Variants in THADA observed in about 807,000 individuals in gnomAD.
THADA encodes the protein tRNA (32-2'-O)-methyltransferase regulator THADA.
A neutral mutation model predicts 219.8 loss-of-function variants in THADA; 213 were observed. The ratio of observed to expected loss-of-function variants is 0.97; its 90% CI spans 0.87 to 1.09. The LOEUF (loss-of-function observed/expected upper bound fraction) is 1.09. Ranked by LOEUF, THADA falls within the 50% of genes least tolerant of loss-of-function variation. The pLI, the probability that THADA is intolerant of heterozygous loss-of-function variation, is 0.00. For missense variants in THADA, 2,956 were observed against 2,311.3 expected (o/e 1.28, Z -5.72); for synonymous variants, 1,018 against 828.9 (o/e 1.23, Z -3.92).
intron 22 of THADA, among the ~76,000 whole-genome samples, chr2:43,515,135 AATATATAATATATTTTATATATT>A (rs1167645930): frequency 1.7e-3 from 8 of 4,656 alleles, no homozygotes; most frequent in South Asian, 6.9e-3. Flanking sequence ...TTTTATATAT[AATATATAATATATTTTATATATT>A]ATATATAATA....
chr2:43,322,984 C>G (rs1393799274), intron 30 of THADA, among the ~76,000 whole-genome samples: 1 of 152,114 alleles, frequency 6.6e-6, no homozygotes, highest in Non-Finnish European at 1.5e-5. Context: ...CCGCGCCAGG[C>G]TCTATTCTTT....
chr2:43,289,134 A>G (rs933317465), intron 34 of THADA, among the ~76,000 whole-genome samples: 2 of 152,220 alleles, frequency 1.3e-5, no homozygotes, highest in African/African-American at 2.4e-5. Context: ...ATGCCGTAGG[A>G]TGTATCTGTA....
At chr2:43,350,036 G>A (rs1449970816) in intron 29 of THADA, among the ~76,000 whole-genome samples, 1 of 152,114 alleles carries the variant, frequency 6.6e-6, no homozygotes, top group African/African-American at 2.4e-5. Flanking sequence ...TTTTTTCAGG[G>A]ACTTAAATAA....
At chr2:43,328,329 T>G (rs972626803) in intron 30 of THADA, among the ~76,000 whole-genome samples, 11 of 152,222 alleles carry the variant, frequency 7.2e-5, no homozygotes, top group Non-Finnish European at 1.2e-4. Flanking sequence ...GGACTGCTCG[T>G]TTACCTTGCC....
At chr2:43,433,089 A>G (rs1466520157) in intron 26 of THADA, among the ~76,000 whole-genome samples, 4 of 152,150 alleles carry the variant, frequency 2.6e-5, no homozygotes, top group African/African-American at 9.7e-5. Context: ...TTATGGTTTT[A>G]GCTTTTACAT....
chr2:43,480,646 T>TAA (rs984183706), intron 26 of THADA, among the ~76,000 whole-genome samples: 1 of 145,110 alleles, frequency 6.9e-6, no homozygotes. Flanking sequence ...CCATTTCTAC[T>TAA]AAAAAAAAAA....
At chr2:43,304,324 G>A (rs1676598132) in intron 31 of THADA, among the ~76,000 whole-genome samples, 1 of 152,182 alleles carries the variant, frequency 6.6e-6, no homozygotes, top group South Asian at 2.1e-4. Context: ...CTATTTAGAA[G>A]CAGCAGTCAG....
intron 17 of THADA, among the ~76,000 whole-genome samples, chr2:43,552,962 G>A (rs1386281590): frequency 6.6e-6 from 1 of 152,158 alleles, no homozygotes; most frequent in East Asian, 1.9e-4. Flanking sequence ...CTAGTTGCCT[G>A]GACGTCTCAT....
intron 26 of THADA, among the ~76,000 whole-genome samples, chr2:43,456,236 G>C (rs149025000): frequency 2.6e-5 from 4 of 152,280 alleles, no homozygotes; most frequent in Non-Finnish European, 4.4e-5. Context: ...CATGCATTCA[G>C]ACAAAGGTAA....
chr2:43,521,270 G>A (rs935741638), intron 22 of THADA, among the ~76,000 whole-genome samples: 1 of 151,858 alleles, frequency 6.6e-6, no homozygotes, highest in African/African-American at 2.4e-5. Context: ...AAAGAGGTAG[G>A]GAGGGCCGGG....
chr2:43,560,414 T>A (rs944894622), intron 15 of THADA, 29 bp from the exon 16 acceptor site: 2 of 1,448,790 alleles, frequency 1.4e-6, no homozygotes, highest in Non-Finnish European at 1.8e-6. Context: ...CAAAAAGATT[T>A]AAAAGTGAAC....
intron 26 of THADA, among the ~76,000 whole-genome samples, chr2:43,464,773 G>T (rs761333878): frequency 2.6e-5 from 4 of 151,986 alleles, no homozygotes; most frequent in Non-Finnish European, 4.4e-5. Flanking sequence ...CTCAGAACAC[G>T]CCCTGGCCTC....
chr2:43,417,765 T>A (rs928731994), intron 28 of THADA, among the ~76,000 whole-genome samples: 1 of 152,154 alleles, frequency 6.6e-6, no homozygotes, highest in African/African-American at 2.4e-5. Flanking sequence ...ACAGCATGGG[T>A]TCTAGAGTCA....
At chr2:43,384,573 C>G (rs940113964) in intron 29 of THADA, among the ~76,000 whole-genome samples, 1 of 152,174 alleles carries the variant, frequency 6.6e-6, no homozygotes, top group Non-Finnish European at 1.5e-5. Context: ...TAAATTACTG[C>G]CTTGTATCTC....
chr2:43,482,112 A>G (rs1435784494), intron 26 of THADA, among the ~76,000 whole-genome samples: 1 of 152,196 alleles, frequency 6.6e-6, no homozygotes, highest in Admixed American at 6.5e-5. Context: ...GATTTTACAT[A>G]AAATCAGTTC....
intron 26 of THADA, among the ~76,000 whole-genome samples, chr2:43,437,055 T>C (rs571069585): frequency 2.3e-4 from 35 of 152,210 alleles, no homozygotes; most frequent in Non-Finnish European, 4.6e-4. Flanking sequence ...AAGCAACTCA[T>C]TATTTTTGCA....
intron 21 of THADA, among the ~76,000 whole-genome samples, chr2:43,534,756 T>G (rs566742751): frequency 6.6e-6 from 1 of 152,242 alleles, no homozygotes; most frequent in Admixed American, 6.5e-5. Context: ...TTGTGTATTT[T>G]GAATAGTGCT....
chr2:43,277,030 G>C (rs1187722479), intron 36 of THADA, among the ~76,000 whole-genome samples: 1 of 152,060 alleles, frequency 6.6e-6, no homozygotes, highest in Non-Finnish European at 1.5e-5. Context: ...ACCCCACTGA[G>C]AGCAGCTGGA....
Position 43,566,286 on chromosome 2 carries a change from C to T in THADA, c.2311+412G>A, listed in dbSNP as rs561458286. On this transcript the variant is annotated intron_variant, in intron 15 of 37. Transcript: ENST00000405975. The stretch of plus-strand genomic sequence containing the variant: ...ACCAGACTGAGGCACATGAAACAGA[C>T]GGCATGTAAAGGAAACCACATTTTA... 93 of 521,836 alleles carry T rather than the reference C, an allele frequency of 1.8e-4. 1 individual carries two copies. The highest frequency in any genetic ancestry group is 1.7e-3 in the African/African-American group (83 of 50,144). The allele number at this position is 521,836 out of a possible 1,614,324, so 32.3% of individuals were successfully genotyped here.
Sources: gnomAD v4.1 joint callset for allele counts (sites outside exome capture counted in the v4.1 genomes callset) on GRCh38, gnomAD v4.1.1 for gene constraint, MANE v1.5 for transcripts, NCBI Gene and HGNC (gene_info 2026-07-23, HGNC 2026-07-21) for gene names.